MSN: variants seen among roughly 807,000 people sequenced by gnomAD.
MSN encodes moesin, also known as epididymis luminal protein 70.
Under a neutral mutation model 48.0 loss-of-function variants are expected in MSN, and 2 were observed. The observed-to-expected ratio is 0.04, with a 90% CI of 0.02 to 0.13. The LOEUF is 0.13. Among genes scored for constraint, MSN ranks in the 10% least tolerant of loss-of-function variants. MSN has a pLI of 1.00. For synonymous variants in MSN, 146 were observed against 166.9 expected (o/e 0.87, Z 0.97); for missense variants, 267 against 470.1 (o/e 0.57, Z 3.99).
chrX:65,738,031 G>A (rs1056155300), intron 10 of MSN, among the ~76,000 whole-genome samples: 1 of 112,439 alleles, frequency 8.9e-6, no homozygotes, highest in East Asian at 2.8e-4. Context: ...TGTCTCTCAT[G>A]AGGAAGCTGT....
At chrX:65,591,906 A>T (rs998946458) in intron 1 of MSN, among the ~76,000 whole-genome samples, 2 of 111,102 alleles carry the variant, frequency 1.8e-5, no homozygotes, top group Non-Finnish European at 3.8e-5. Context: ...TAGCCATAGG[A>T]TTATCAACAT....
intron 1 of MSN, among the ~76,000 whole-genome samples, chrX:65,705,062 C>T (rs575304315): frequency 5.4e-5 from 6 of 111,054 alleles, no homozygotes; most frequent in South Asian, 3.8e-4. Context: ...TGAGCCACCG[C>T]GCCCAGCCTC....
At chrX:65,645,411 T>G (rs754621905) in intron 1 of MSN, among the ~76,000 whole-genome samples, 45 of 108,902 alleles carry the variant, frequency 4.1e-4, no homozygotes, top group African/African-American at 1.3e-3. Context: ...TCTGCTCCCA[T>G]GGATTTTCCC....
chrX:65,614,387 GT>G (rs924030632), intron 1 of MSN, among the ~76,000 whole-genome samples: 3 of 110,210 alleles, frequency 2.7e-5, no homozygotes, highest in Admixed American at 1.9e-4. Context: ...ATTTAAAGTA[GT>G]TTTTTTTCTA....
intron 1 of MSN, among the ~76,000 whole-genome samples, chrX:65,632,013 G>A (rs757396592): frequency 8.0e-5 from 9 of 111,911 alleles, no homozygotes; most frequent in East Asian, 2.8e-4. Context: ...AAACAGTTAT[G>A]AGCATTCCTG....
intron 1 of MSN, among the ~76,000 whole-genome samples, chrX:65,669,295 C>T (rs1392137545): frequency 1.8e-5 from 2 of 110,760 alleles, no homozygotes; most frequent in Non-Finnish European, 3.8e-5. Context: ...AGGAGCGGCT[C>T]TTTGGGTCTC....
chrX:65,674,312 G>C (rs764816546), intron 1 of MSN, among the ~76,000 whole-genome samples: 10 of 111,632 alleles, frequency 9.0e-5, no homozygotes, highest in African/African-American at 2.6e-4. Context: ...GTTGGTAACA[G>C]TATTGAAAGG....
At chrX:65,705,203 C>T (rs7891236) in intron 1 of MSN, among the ~76,000 whole-genome samples, 1 of 111,211 alleles carries the variant, frequency 9.0e-6, no homozygotes, top group Non-Finnish European at 1.9e-5. Context: ...TGATCTCTGA[C>T]GTCTTTTTCA....
intron 1 of MSN, among the ~76,000 whole-genome samples, chrX:65,639,406 A>G (rs1048527270): frequency 1.8e-5 from 2 of 112,053 alleles, no homozygotes; most frequent in Non-Finnish European, 1.9e-5. Flanking sequence ...CAGCCTCCCA[A>G]AGTGCTGGGA....
intron 1 of MSN, among the ~76,000 whole-genome samples, chrX:65,604,016 G>T (rs965097642): frequency 8.9e-6 from 1 of 112,177 alleles, no homozygotes; most frequent in African/African-American, 3.2e-5. Context: ...CAGGCAACTG[G>T]TTTAGGTGCT....
chrX:65,590,746 G>A (rs768568965), intron 1 of MSN, among the ~76,000 whole-genome samples: 13 of 110,639 alleles, frequency 1.2e-4, no homozygotes, highest in African/African-American at 3.9e-4. Flanking sequence ...TCCAGCAGAC[G>A]GAAGTCCAGC....
chrX:65,682,899 G>A (rs778788542), intron 1 of MSN, among the ~76,000 whole-genome samples: 12 of 112,022 alleles, frequency 1.1e-4, no homozygotes, highest in Non-Finnish European at 1.5e-4. Flanking sequence ...GGGTAGCACC[G>A]GGGAATGGGA....
intron 1 of MSN, among the ~76,000 whole-genome samples, chrX:65,711,162 G>A (rs963764069): frequency 2.7e-5 from 3 of 111,863 alleles, no homozygotes; most frequent in Non-Finnish European, 3.8e-5. Context: ...AGGTTCAAGG[G>A]ATTCTCCGAC....
In MSN at chrX:65,735,413, C is replaced by T; in HGVS notation, c.942C>T (p.His314=). The change falls in exon 8 of 13, where the codon CAC becomes CAT. Residue 314 remains histidine, a synonymous_variant. Coordinates refer to ENST00000360270, the MANE Select transcript of MSN (RefSeq NM_002444.3). ...QMKAQAREEK[H]QKQMERAMLE... ...AGGCACAGGCCCGGGAGGAGAAGCA[C>T]CAGAAGCAGATGGAGCGGTAGGTGC... The T allele has an allele frequency of 1.7e-6, 2 of 1,207,445 alleles. No homozygotes were observed. The highest frequency in any genetic ancestry group is 2.2e-6 in the Non-Finnish European group (2 of 893,220).
chrX:65,631,254 C>T lies in MSN; in HGVS notation c.-22+42642C>T, dbSNP rs773455575. Among the ~76,000 whole-genome samples, 4 of 109,829 alleles carry T rather than the reference C, an allele frequency of 3.6e-5. No homozygotes were observed. In the East Asian group the frequency reaches 8.5e-4, roughly 23 times the overall value. ...GATTACAGGCGCCCACCACCATGCC[C>T]GGATAATTTTTGTTTTTTTAGTAGA... On this transcript the variant is annotated intron_variant, in intron 1 of 3. Coordinates refer to the MSN transcript ENST00000609672.
At chrX:65,609,230 A>G (rs1435542490) in intron 1 of MSN, among the ~76,000 whole-genome samples, 1 of 107,772 alleles carries the variant, frequency 9.3e-6, no homozygotes, top group Admixed American at 1.0e-4. Flanking sequence ...AGAGGCCAAG[A>G]ACACTCTATG....
chrX:65,607,917 G>A (rs1053097014), intron 1 of MSN, among the ~76,000 whole-genome samples: 1 of 111,547 alleles, frequency 9.0e-6, no homozygotes, highest in African/African-American at 3.3e-5. Flanking sequence ...GAGCCCAAGT[G>A]ATCTGCCCAA....
intron 1 of MSN, among the ~76,000 whole-genome samples, chrX:65,594,894 A>C (rs2070175010): frequency 8.9e-6 from 1 of 111,903 alleles, no homozygotes; most frequent in South Asian, 3.7e-4. Context: ...TTATAGAATG[A>C]CAGCATGAAA....
intron 1 of MSN, among the ~76,000 whole-genome samples, chrX:65,650,583 C>T (rs943152764): frequency 8.9e-6 from 1 of 111,929 alleles, no homozygotes; most frequent in Non-Finnish European, 1.9e-5. Context: ...TTTATTTAAC[C>T]TAATATTAAT....
Sources: gnomAD v4.1 joint callset for allele counts (sites outside exome capture counted in the v4.1 genomes callset) on GRCh38, gnomAD v4.1.1 for gene constraint, MANE v1.5 for transcripts, NCBI Gene and HGNC (gene_info 2026-07-23, HGNC 2026-07-21) for gene names.